The following TBC1D5 variants were observed in gnomAD, a reference collection of about 807,000 sequenced individuals.
The protein encoded by TBC1D5 is TBC1 domain family member 5.
TBC1D5 carries 75 observed loss-of-function variants against 100.3 expected under a neutral mutation model. The ratio of observed to expected loss-of-function variants is 0.75; its 90% CI spans 0.62 to 0.91. The LOEUF (loss-of-function observed/expected upper bound fraction) is 0.91, where lower values mean the gene tolerates loss of function less well. TBC1D5 is among the 40% of genes least tolerant of loss of function. TBC1D5 has a pLI of 0.00. For synonymous variants in TBC1D5, 323 were observed against 325.6 expected (o/e 0.99, Z 0.09); for missense variants, 910 against 942.4 (o/e 0.97, Z 0.45).
intron 3 of TBC1D5, among the ~76,000 whole-genome samples, chr3:17,457,026 A>G (rs930663861): frequency 3.9e-5 from 6 of 152,136 alleles, no homozygotes; most frequent in African/African-American, 1.4e-4. Context: ...GCAAAAAAAA[A>G]TATTTTGGGG....
chr3:17,266,468 C>G (rs931758560), intron 15 of TBC1D5, among the ~76,000 whole-genome samples: 3 of 152,052 alleles, frequency 2.0e-5, no homozygotes, highest in Non-Finnish European at 4.4e-5. Context: ...ATTCATTTTA[C>G]TATACATATT....
At chr3:17,262,052 G>A (rs2078355443) in intron 15 of TBC1D5, among the ~76,000 whole-genome samples, 1 of 152,148 alleles carries the variant, frequency 6.6e-6, no homozygotes, top group Non-Finnish European at 1.5e-5. Context: ...GTCTTCATCT[G>A]TATTGGAACA....
chr3:17,497,174 T>C (rs534963842), intron 3 of TBC1D5, among the ~76,000 whole-genome samples: 1 of 151,842 alleles, frequency 6.6e-6, no homozygotes, highest in African/African-American at 2.4e-5. Context: ...TCCTTCTTGT[T>C]TGTTATTAAC....
At chr3:17,285,332 C>T (rs1176442602) in intron 15 of TBC1D5, among the ~76,000 whole-genome samples, 1 of 139,134 alleles carries the variant, frequency 7.2e-6, no homozygotes, top group East Asian at 2.5e-4. Flanking sequence ...GCGATCTCGG[C>T]TCACTGCAAG....
chr3:17,381,210 T>G (rs531779376), intron 9 of TBC1D5, among the ~76,000 whole-genome samples: 1 of 152,210 alleles, frequency 6.6e-6, no homozygotes, highest in African/African-American at 2.4e-5. Flanking sequence ...ACAAATGCAG[T>G]GGGCCACATA....
At chr3:17,615,000 A>G (rs923555125) in intron 2 of TBC1D5, among the ~76,000 whole-genome samples, 1 of 152,236 alleles carries the variant, frequency 6.6e-6, no homozygotes, top group Non-Finnish European at 1.5e-5. Flanking sequence ...TGCCCATTCA[A>G]TATGATATTG....
At chr3:17,600,601 T>G (rs2060868574) in intron 2 of TBC1D5, among the ~76,000 whole-genome samples, 1 of 152,210 alleles carries the variant, frequency 6.6e-6, no homozygotes, top group South Asian at 2.1e-4. Context: ...GTTAAACTAT[T>G]ATAAAGCAGT....
intron 2 of TBC1D5, among the ~76,000 whole-genome samples, chr3:17,590,578 G>A (rs2153561349): frequency 6.6e-6 from 1 of 152,272 alleles, no homozygotes; most frequent in Admixed American, 6.5e-5. Context: ...ACAGATTTGT[G>A]AGGGCAGCAC....
At chr3:17,673,630 T>G (rs949932178) in intron 1 of TBC1D5, among the ~76,000 whole-genome samples, 1 of 152,094 alleles carries the variant, frequency 6.6e-6, no homozygotes, top group African/African-American at 2.4e-5. Flanking sequence ...TTTCTAAAAT[T>G]TTTAAAATCT....
At chr3:17,350,219 A>G (rs2090396104) in intron 13 of TBC1D5, among the ~76,000 whole-genome samples, 1 of 151,820 alleles carries the variant, frequency 6.6e-6, no homozygotes, top group Non-Finnish European at 1.5e-5. Context: ...CCCACAAACT[A>G]CTCCCCAAAA....
At chr3:17,732,304 C>A (rs1473676476) in intron 1 of TBC1D5, among the ~76,000 whole-genome samples, 1 of 151,764 alleles carries the variant, frequency 6.6e-6, no homozygotes, top group South Asian at 2.1e-4. Flanking sequence ...GGCAACAGAG[C>A]GAGACTCCAT....
chr3:17,718,744 CAATCATTCCCCAATGCTCCTCCTCCAG>C, intron 1 of TBC1D5, among the ~76,000 whole-genome samples: 1 of 152,106 alleles, frequency 6.6e-6, no homozygotes, highest in Non-Finnish European at 1.5e-5. Context: ...ACCAATTAAA[CAATCATTCCCCAATGCTCCTCCTCCAG>C]CCCATGGTAA....
intron 12 of TBC1D5, 37 bp downstream of exon 12, chr3:17,374,434 T>C (rs773996912): frequency 1.9e-6 from 3 of 1,572,566 alleles, no homozygotes; most frequent in African/African-American, 2.7e-5. Context: ...ATTTGCTCCA[T>C]AGCATATACT....
At chr3:17,530,990 T>C (rs1190031367) in intron 2 of TBC1D5, among the ~76,000 whole-genome samples, 1 of 152,128 alleles carries the variant, frequency 6.6e-6, no homozygotes, top group Non-Finnish European at 1.5e-5. Context: ...CCAGGGCAAT[T>C]AGGCAGGAGA....
intron 15 of TBC1D5, 122 bp downstream of exon 15, chr3:17,291,773 C>T (rs2150153235): frequency 2.3e-6 from 2 of 862,880 alleles, no homozygotes; most frequent in East Asian, 2.7e-5. Context: ...TAGGCAAATG[C>T]TACCATTAGG....
intron 18 of TBC1D5, among the ~76,000 whole-genome samples, chr3:17,205,096 C>T (rs897256464): frequency 2.6e-5 from 4 of 152,282 alleles, no homozygotes; most frequent in South Asian, 4.1e-4. Flanking sequence ...GAGACTTAAA[C>T]TGCTGATGTT....
intron 2 of TBC1D5, among the ~76,000 whole-genome samples, chr3:17,516,565 T>C (rs2095991286): frequency 6.6e-6 from 1 of 152,224 alleles, no homozygotes; most frequent in Non-Finnish European, 1.5e-5. Flanking sequence ...CTATTGTTTA[T>C]ATAAACTATT....
At chr3:17,520,099 T>G (rs1224772220) in intron 2 of TBC1D5, among the ~76,000 whole-genome samples, 2 of 152,240 alleles carry the variant, frequency 1.3e-5, no homozygotes, top group Non-Finnish European at 2.9e-5. Context: ...TTACTTAGAA[T>G]GTTTTCTTTT....
chr3:17,238,449 T>C (rs1398057481), intron 16 of TBC1D5, 30 bp from the exon 17 acceptor site: 2 of 1,593,646 alleles, frequency 1.3e-6, no homozygotes, highest in Non-Finnish European at 1.7e-6. Context: ...AGAAGCATTA[T>C]TTACATTAGA....
Sources: allele counts gnomAD v4.1 joint callset (sites outside exome capture counted in the v4.1 genomes callset), GRCh38; gene constraint gnomAD v4.1.1; transcripts MANE v1.5; gene names NCBI Gene and HGNC (gene_info 2026-07-23, HGNC 2026-07-21).